RASSF5: variants seen among roughly 807,000 people sequenced by gnomAD.
RASSF5 encodes ras association domain-containing protein 5.
A neutral mutation model predicts 40.5 loss-of-function variants in RASSF5; 25 were observed. That is an observed-to-expected ratio of 0.62 (90% CI 0.45 to 0.86). The LOEUF is 0.86. Ranked by LOEUF, RASSF5 falls within the 40% of genes least tolerant of loss-of-function variation. RASSF5 has a pLI of 0.00. For synonymous variants in RASSF5, 246 were observed against 252.4 expected, an observed-to-expected ratio of 0.97 and a Z score of 0.24; for missense variants, 521 against 572.8, an observed-to-expected ratio of 0.91 and a Z score of 0.92.
intron 2 of RASSF5, among the ~76,000 whole-genome samples, chr1:206,570,078 CTTTTTT>C (rs375900760): frequency 3.4e-5 from 4 of 119,378 alleles, no homozygotes; most frequent in Admixed American, 1.8e-4. Flanking sequence ...TAAAATTTAC[CTTTTTT>C]TTTTTTTTTT....
At chr1:206,532,536 G>T (rs757097743) in intron 1 of RASSF5, among the ~76,000 whole-genome samples, 10 of 152,206 alleles carry the variant, frequency 6.6e-5, no homozygotes, top group Non-Finnish European at 1.0e-4. Context: ...GAGAGGGAAG[G>T]GGGTGTTAAG....
intron 2 of RASSF5, among the ~76,000 whole-genome samples, chr1:206,581,566 T>A (rs1668875463): frequency 6.6e-6 from 1 of 150,912 alleles, no homozygotes; most frequent in African/African-American, 2.4e-5. Context: ...GCCACTGCAT[T>A]CCAGCCTGGG....
intron 2 of RASSF5, chr1:206,543,718 T>C (rs1667605910): frequency 6.6e-6 from 1 of 152,210 alleles, no homozygotes; most frequent in Non-Finnish European, 1.5e-5. Context: ...CTGTGTTGTT[T>C]GAATAGCCAA....
chr1:206,530,239 A>G (rs1206127363), intron 1 of RASSF5, among the ~76,000 whole-genome samples: 1 of 152,236 alleles, frequency 6.6e-6, no homozygotes, highest in Non-Finnish European at 1.5e-5. Flanking sequence ...TGCATAATGT[A>G]TAAGTATGTA....
intron 2 of RASSF5, chr1:206,544,399 CA>C (rs1420438900): frequency 6.6e-6 from 1 of 152,226 alleles, no homozygotes; most frequent in Non-Finnish European, 1.5e-5. Context: ...CCATTGCCCT[CA>C]GAATGAGTCT....
intron 2 of RASSF5, among the ~76,000 whole-genome samples, chr1:206,539,492 G>A (rs1387809253): frequency 6.6e-6 from 1 of 152,208 alleles, no homozygotes; most frequent in Non-Finnish European, 1.5e-5. Flanking sequence ...CCTCCCAGCT[G>A]TTCCCTCACG....
At chr1:206,553,754 C>T (rs1228107740) in intron 2 of RASSF5, among the ~76,000 whole-genome samples, 1 of 152,186 alleles carries the variant, frequency 6.6e-6, no homozygotes. Context: ...AAGACGGGGG[C>T]ATAGTCAGAT....
chr1:206,542,744 G>T (rs1262031463), intron 2 of RASSF5: 1 of 152,078 alleles, frequency 6.6e-6, no homozygotes. Context: ...TCTTTAAATA[G>T]ACTTATTTTA....
In RASSF5 at chr1:206,579,119, T is replaced by C. The variant is rs1668770281; in HGVS notation, c.580-4150T>C. ...CCAGAGCTAAAAGAAGACATTGCCC[T>C]TTTCCACCGCATAGGACATGTGAGC... On this transcript the variant is annotated intron_variant, in intron 2 of 5. Coordinates refer to ENST00000579436, the MANE Select transcript of RASSF5 (RefSeq NM_182663.4). The surrounding 1 kb of genome is among the most constrained non-coding windows in gnomAD (Gnocchi z 4.2). 6.6e-6 allele frequency among the ~76,000 whole-genome samples: 1 copy of C among 152,116 alleles called. No homozygotes were observed. Among genetic ancestry groups the C allele is most frequent in the Non-Finnish European group, 1.5e-5 (1 of 68,010 alleles).
chr1:206,580,437 G>A (rs1183089500), intron 2 of RASSF5, among the ~76,000 whole-genome samples: 2 of 152,330 alleles, frequency 1.3e-5, no homozygotes, highest in African/African-American at 2.4e-5. Context: ...CAGAGTGAGT[G>A]TATAATAGTA....
intron 1 of RASSF5, among the ~76,000 whole-genome samples, chr1:206,516,312 C>T (rs1553395384): frequency 6.6e-6 from 1 of 152,214 alleles, no homozygotes; most frequent in Non-Finnish European, 1.5e-5. Flanking sequence ...AGCCCCATCT[C>T]CAGACTCTGC....
chr1:206,524,850 C>T (rs191441693), intron 1 of RASSF5, among the ~76,000 whole-genome samples: 282 of 151,264 alleles, frequency 1.9e-3, no homozygotes, highest in Middle Eastern at 3.4e-3. Context: ...TTATAATACA[C>T]ATGCACACAT....
At chr1:206,582,928 C>A (rs1017405892) in intron 2 of RASSF5, among the ~76,000 whole-genome samples, 1 of 152,162 alleles carries the variant, frequency 6.6e-6, no homozygotes, top group Non-Finnish European at 1.5e-5. Flanking sequence ...TAAGCAAATG[C>A]GGCTCTGCTC....
At chr1:206,576,978 A>AT (rs36057143) in intron 2 of RASSF5, among the ~76,000 whole-genome samples, 84,045 of 145,160 alleles carry the variant, frequency 0.58, 24,172 homozygotes, top group Middle Eastern at 0.73. Context: ...TAATTTTTGT[A>AT]TTTTTTTTTT....
intron 2 of RASSF5, among the ~76,000 whole-genome samples, chr1:206,574,281 C>G (rs1421237939): frequency 7.2e-5 from 11 of 152,218 alleles, no homozygotes; most frequent in Non-Finnish European, 1.5e-4. Context: ...CCAGATCACA[C>G]TGTACTTGCT....
rs1406800063 is a variant in RASSF5 at position 206,523,703 on chromosome 1, T to A, written c.458-14469T>A. On this transcript the variant is annotated intron_variant, in intron 1 of 5. Transcript: ENST00000579436. ...TATAAATATATTATATATAATATAT[T>A]TATATATTATACAATATATTTATAT... is the stretch of plus-strand genomic sequence containing the variant. 8.8e-5 allele frequency among the ~76,000 whole-genome samples: 6 copies of A among 68,146 alleles called. No homozygotes were observed. The East Asian group carries it at 3.4e-3, about 38-fold the overall frequency. 44.7% of individuals were successfully genotyped at this position (68,146 alleles called of 152,430 possible). A position where few individuals can be genotyped will look rare whatever the true frequency, so the allele number is the denominator to read the frequency against.
At chr1:206,537,606 G>A (rs1667449573) in intron 1 of RASSF5, among the ~76,000 whole-genome samples, 1 of 152,156 alleles carries the variant, frequency 6.6e-6, no homozygotes, top group Non-Finnish European at 1.5e-5. Context: ...TACCAGTCAA[G>A]CATCCCAAAT....
intron 1 of RASSF5, among the ~76,000 whole-genome samples, 169 bp from the exon 2 acceptor site, chr1:206,538,003 G>A (rs961844853): frequency 6.6e-6 from 1 of 152,190 alleles, no homozygotes; most frequent in Non-Finnish European, 1.5e-5. Flanking sequence ...TCCTTCCTGG[G>A]GGATCCGAGA....
intron 1 of RASSF5, among the ~76,000 whole-genome samples, chr1:206,511,914 C>G (rs1666626162): frequency 6.6e-6 from 1 of 152,146 alleles, no homozygotes; most frequent in Non-Finnish European, 1.5e-5. Flanking sequence ...AAAAAGGCTC[C>G]TGGGACATTG....
Sources: gnomAD v4.1 joint callset for allele counts (sites outside exome capture counted in the v4.1 genomes callset) on GRCh38, gnomAD v4.1.1 for gene constraint, Gnocchi (gnomAD v3.1) non-coding constraint, MANE v1.5 for transcripts, NCBI Gene and HGNC (gene_info 2026-07-23, HGNC 2026-07-21) for gene names.